Variants in DORIP1 observed in about 807,000 individuals in gnomAD.
DORIP1 encodes the protein dopamine receptor-interacting protein 1.
At chr14:44,903,341 A>T in the DORIP1 span, 2 of 1,563,880 alleles carry the variant, frequency 1.3e-6, no homozygotes, top group Non-Finnish European at 8.8e-7. Flanking sequence ...GTATGTGTTT[A>T]TAAGGAAACC....
At chr14:44,900,986 CACTTTT>C in the DORIP1 span, 12 of 1,533,886 alleles carry the variant, frequency 7.8e-6, no homozygotes, top group South Asian at 1.3e-4. Flanking sequence ...TCTGTTTTGT[CACTTTT>C]ACTTTTTTTA....
At chr14:44,903,660 A>T in the DORIP1 span, 1 of 990,898 alleles carries the variant, frequency 1.0e-6, no homozygotes, top group Non-Finnish European at 1.2e-6. Context: ...TGAGAGAAGC[A>T]GAACATATTC....
At chr14:44,899,553 A>C in the DORIP1 span, among the ~76,000 whole-genome samples, 10,030 of 152,140 alleles carry the variant, frequency 0.066, 841 homozygotes, top group African/African-American at 0.2. Flanking sequence ...AATTAGTCTT[A>C]GTCTATATAG....
the DORIP1 span, among the ~76,000 whole-genome samples, chr14:44,899,754 TGAG>T: frequency 2.6e-5 from 4 of 151,682 alleles, no homozygotes; most frequent in Non-Finnish European, 4.4e-5. Flanking sequence ...TTTGGAAAGA[TGAG>T]GAGGTTTACA....
At chr14:44,904,023 A>G in the DORIP1 span, 1 of 983,546 alleles carries the variant, frequency 1.0e-6, no homozygotes, top group South Asian at 4.7e-5. Flanking sequence ...AGTCGAGTCT[A>G]ATGGCAAAAG....
the DORIP1 span, among the ~76,000 whole-genome samples, chr14:44,902,329 T>G: frequency 6.6e-5 from 10 of 152,200 alleles, no homozygotes; most frequent in Middle Eastern, 3.4e-3. Flanking sequence ...AATGTTTTAT[T>G]TATTTTTTTA....
At chr14:44,902,630 T>C in the DORIP1 span, among the ~76,000 whole-genome samples, 4 of 152,142 alleles carry the variant, frequency 2.6e-5, no homozygotes, top group Non-Finnish European at 5.9e-5. Context: ...TAATATCTTG[T>C]TTTTTAAAAA....
chr14:44,901,723 T>C, the DORIP1 span, among the ~76,000 whole-genome samples: 1 of 152,238 alleles, frequency 6.6e-6, no homozygotes, highest in African/African-American at 2.4e-5. Flanking sequence ...TTTCATATTA[T>C]GGCCAAGACA....
chr14:44,900,347 G>C, the DORIP1 span: 1 of 1,213,606 alleles, frequency 8.2e-7, no homozygotes, highest in African/African-American at 1.6e-5. Flanking sequence ...TGAGTCTTTA[G>C]ATGGATTTAT....
At chr14:44,903,326 AGTAT>A in the DORIP1 span, 1 of 1,583,314 alleles carries the variant, frequency 6.3e-7, no homozygotes, top group East Asian at 2.2e-5. Flanking sequence ...TTAAAATGAC[AGTAT>A]GTATGTGTTT....
the DORIP1 span, chr14:44,903,147 T>G: frequency 1.6e-6 from 2 of 1,225,230 alleles, no homozygotes. Flanking sequence ...AAATTTGTTA[T>G]AATATATTAA....
chr14:44,901,813 G>A, the DORIP1 span, among the ~76,000 whole-genome samples: 11 of 152,170 alleles, frequency 7.2e-5, no homozygotes, highest in African/African-American at 2.7e-4. Context: ...ACTAGGAAAG[G>A]TGCAAGGAGC....
At chr14:44,903,916 C>T in the DORIP1 span, 58 of 978,330 alleles carry the variant, frequency 5.9e-5, no homozygotes, top group Middle Eastern at 5.2e-4. Flanking sequence ...CTGAGCATTC[C>T]GGTTAATCAA....
the DORIP1 span, chr14:44,905,440 C>T: frequency 6.4e-7 from 1 of 1,573,308 alleles, no homozygotes; most frequent in Non-Finnish European, 8.7e-7. Context: ...GATTGGTGGA[C>T]ATTGGATGCA....
chr14:44,900,805 A>G, the DORIP1 span: 1 of 1,614,114 alleles, frequency 6.2e-7, no homozygotes. Context: ...TGAAGTCCAT[A>G]AAGCTTCATT....
chr14:44,902,844 T>C, the DORIP1 span, among the ~76,000 whole-genome samples: 1 of 152,212 alleles, frequency 6.6e-6, no homozygotes, highest in Non-Finnish European at 1.5e-5. Context: ...AGGCCAAGAA[T>C]GATTATTACT....
the DORIP1 span, chr14:44,905,263 A>AGT: frequency 1.3e-6 from 1 of 757,042 alleles, no homozygotes; most frequent in African/African-American, 1.8e-5. Context: ...AGGGAACAGA[A>AGT]TACAAACAAT....
the DORIP1 span, chr14:44,903,279 A>C: frequency 6.2e-7 from 1 of 1,612,992 alleles, no homozygotes; most frequent in Non-Finnish European, 8.5e-7. Context: ...CCAAGATTGA[A>C]CTGTGTGAAG....
At chr14:44,901,846 A>G in the DORIP1 span, among the ~76,000 whole-genome samples, 2 of 152,210 alleles carry the variant, frequency 1.3e-5, no homozygotes, top group Non-Finnish European at 2.9e-5. Flanking sequence ...TTTGGCTTTC[A>G]GAGAAAAGGC....
Sources: gnomAD v4.1 joint callset for allele counts (sites outside exome capture counted in the v4.1 genomes callset) on GRCh38, gnomAD v4.1.1 for gene constraint, MANE v1.5 for transcripts, NCBI Gene and HGNC (gene_info 2026-07-23, HGNC 2026-07-21) for gene names.